SLC35F4: variants seen among roughly 807,000 people sequenced by gnomAD.
The protein encoded by SLC35F4 is chromosome 14 open reading frame 36.
SLC35F4 carries 24 observed loss-of-function variants against 44.2 expected under a neutral mutation model. That is an observed-to-expected ratio of 0.54 (90% CI 0.39 to 0.76). The LOEUF (loss-of-function observed/expected upper bound fraction) is 0.76. Ranked by LOEUF, SLC35F4 falls within the 30% of genes least tolerant of loss-of-function variation. The pLI is 0.00. For synonymous variants in SLC35F4, 238 were observed against 223.6 expected (o/e 1.06, Z -0.57); for missense variants, 562 against 586.1 (o/e 0.96, Z 0.42).
chr14:57,950,333 T>G (rs1203250310), intron 1 of SLC35F4, among the ~76,000 whole-genome samples: 1 of 152,110 alleles, frequency 6.6e-6, no homozygotes, highest in Non-Finnish European at 1.5e-5. Flanking sequence ...AAGTTTCCAC[T>G]GCATTTTGTA....
At chr14:57,832,582 G>A (rs911058475) in intron 1 of SLC35F4, among the ~76,000 whole-genome samples, 3 of 152,152 alleles carry the variant, frequency 2.0e-5, no homozygotes, top group Admixed American at 1.3e-4. Context: ...CTATCTATAT[G>A]TATCCCATAA....
intron 1 of SLC35F4, among the ~76,000 whole-genome samples, chr14:57,776,603 T>C (rs2077493920): frequency 7.0e-6 from 1 of 143,534 alleles, no homozygotes; most frequent in African/African-American, 2.6e-5. Flanking sequence ...GAGGCAGAGG[T>C]TGCAGTCAGC....
intron 1 of SLC35F4, among the ~76,000 whole-genome samples, chr14:57,953,490 A>G (rs1890179207): frequency 6.6e-6 from 1 of 152,156 alleles, no homozygotes; most frequent in Admixed American, 6.5e-5. Context: ...AGACTGGCAA[A>G]TTGGATAGTC....
intron 1 of SLC35F4, among the ~76,000 whole-genome samples, chr14:57,799,165 A>T (rs2078126053): frequency 6.6e-6 from 1 of 152,226 alleles, no homozygotes; most frequent in African/African-American, 2.4e-5. Context: ...AACAAAGAAA[A>T]GCAGGGACGG....
chr14:57,767,485 G>A (rs2077262408), intron 1 of SLC35F4, among the ~76,000 whole-genome samples: 1 of 152,030 alleles, frequency 6.6e-6, no homozygotes, highest in Non-Finnish European at 1.5e-5. Flanking sequence ...AACTTTTAAA[G>A]TACTTAGAAC....
chr14:57,633,510 CTTTTTA>C (rs2072882667), intron 1 of SLC35F4, among the ~76,000 whole-genome samples: 2 of 152,198 alleles, frequency 1.3e-5, no homozygotes, highest in Middle Eastern at 3.4e-3. Context: ...TTTTAAAAAA[CTTTTTA>C]TTTTTAAATA....
At chr14:57,593,503 A>G (rs561670162) in intron 2 of SLC35F4, among the ~76,000 whole-genome samples, 9 of 152,286 alleles carry the variant, frequency 5.9e-5, no homozygotes, top group African/African-American at 2.2e-4. Context: ...GGGAATACTA[A>G]AAGGGCTCCA....
intron 1 of SLC35F4, among the ~76,000 whole-genome samples, chr14:57,810,658 G>A (rs1881859255): frequency 6.6e-6 from 1 of 152,214 alleles, no homozygotes; most frequent in Non-Finnish European, 1.5e-5. Flanking sequence ...AAGCTGTATA[G>A]CCCCTTCTTT....
intron 1 of SLC35F4, among the ~76,000 whole-genome samples, chr14:57,605,208 T>C (rs1442479477): frequency 6.6e-6 from 1 of 152,062 alleles, no homozygotes; most frequent in Non-Finnish European, 1.5e-5. Flanking sequence ...ACAAACTATG[T>C]ATCTGACAAA....
At chr14:57,927,791 C>G (rs1436087658) in intron 1 of SLC35F4, among the ~76,000 whole-genome samples, 1 of 151,966 alleles carries the variant, frequency 6.6e-6, no homozygotes, top group Admixed American at 6.6e-5. Context: ...ACGCCTGGCC[C>G]CTGTCTTTTT....
chr14:57,740,831 A>T (rs1321339944), intron 1 of SLC35F4, among the ~76,000 whole-genome samples: 1 of 152,212 alleles, frequency 6.6e-6, no homozygotes, highest in African/African-American at 2.4e-5. Context: ...CTGCCTCCTC[A>T]AGTGGGTTCC....
rs2141021848 is a variant in SLC35F4 at position 57,865,673 on chromosome 14, C to T, written c.103+50G>A. ...TCCGCATCCCCGCGGCACCCCTGCGCGCCCACCTCCCTTCCCCGCCTCGCG... is the reference window on the plus strand; with the variant it reads ...TCCGCATCCCCGCGGCACCCCTGCGTGCCCACCTCCCTTCCCCGCCTCGCG... On this transcript the variant is annotated intron_variant, in intron 1 of 7. Coordinates refer to ENST00000556826, the MANE Select transcript of SLC35F4 (RefSeq NM_001306087.2). The T allele has an allele frequency of 4.8e-6, 7 of 1,459,998 alleles. No individual in the cohort carries two copies. The South Asian group carries it at 5.1e-5, about 11-fold the overall frequency. 90.4% of individuals were successfully genotyped at this position (1,459,998 alleles called of 1,614,324 possible). A position where few individuals can be genotyped will look rare whatever the true frequency, so the allele number is the denominator to read the frequency against.
intron 1 of SLC35F4, among the ~76,000 whole-genome samples, chr14:57,722,084 T>C (rs2076099356): frequency 6.6e-6 from 1 of 152,164 alleles, no homozygotes; most frequent in South Asian, 2.1e-4. Flanking sequence ...TTCTAATTTA[T>C]ATATGCAGCA....
At chr14:57,694,747 A>C (rs1010207229) in intron 1 of SLC35F4, among the ~76,000 whole-genome samples, 3 of 152,232 alleles carry the variant, frequency 2.0e-5, no homozygotes, top group Non-Finnish European at 2.9e-5. Context: ...TTCTGTATAG[A>C]GGTCTTATAC....
chr14:57,950,738 A>T (rs556896707), intron 1 of SLC35F4, among the ~76,000 whole-genome samples: 1 of 142,364 alleles, frequency 7.0e-6, no homozygotes, highest in Admixed American at 7.4e-5. Flanking sequence ...GCACAATCTC[A>T]GCTCATTTTC....
At chr14:57,947,752 A>G in intron 1 of SLC35F4, among the ~76,000 whole-genome samples, 1 of 152,154 alleles carries the variant, frequency 6.6e-6, no homozygotes, top group East Asian at 1.9e-4. Context: ...GTTGGATTTT[A>G]TCAAATGCTT....
chr14:57,700,264 G>A (rs1382754681), intron 1 of SLC35F4, among the ~76,000 whole-genome samples: 2 of 152,124 alleles, frequency 1.3e-5, no homozygotes, highest in African/African-American at 4.8e-5. Context: ...GTAACACACT[G>A]TTCAGTATTT....
intron 1 of SLC35F4, among the ~76,000 whole-genome samples, chr14:57,902,925 C>T (rs1048053924): frequency 6.6e-6 from 1 of 152,192 alleles, no homozygotes; most frequent in African/African-American, 2.4e-5. Context: ...TCCCAAACCA[C>T]CCTTTCTACA....
chr14:57,770,032 C>T (rs1285102201), intron 1 of SLC35F4, among the ~76,000 whole-genome samples: 1 of 152,128 alleles, frequency 6.6e-6, no homozygotes, highest in East Asian at 1.9e-4. Context: ...ACCAAAACCC[C>T]ACAGAAACAA....
Sources: gnomAD v4.1 joint callset for allele counts (sites outside exome capture counted in the v4.1 genomes callset) on GRCh38, gnomAD v4.1.1 for gene constraint, MANE v1.5 for transcripts, NCBI Gene and HGNC (gene_info 2026-07-23, HGNC 2026-07-21) for gene names.